GRB14: variants seen among roughly 807,000 people sequenced by gnomAD.
The protein encoded by GRB14 is growth factor receptor bound protein 14.
Under a neutral mutation model 69.1 loss-of-function variants are expected in GRB14, and 38 were observed. That is an observed-to-expected ratio of 0.55 (90% CI 0.42 to 0.72). GRB14 has a LOEUF of 0.72. GRB14 is among the 30% of genes least tolerant of loss of function. The pLI, the probability that GRB14 is intolerant of heterozygous loss-of-function variation, is 0.00. For synonymous variants in GRB14, 247 were observed against 241.3 expected (o/e 1.02, Z -0.22); for missense variants, 666 against 666.1 (o/e 1.00, Z 0.00).
chr2:164,612,141 A>C (rs935598761), intron 2 of GRB14, among the ~76,000 whole-genome samples: 1 of 152,212 alleles, frequency 6.6e-6, no homozygotes, highest in Non-Finnish European at 1.5e-5. Context: ...TTTCCACAGA[A>C]GCAATTTTAA....
At chr2:164,610,060 G>A (rs1437058104) in intron 2 of GRB14, among the ~76,000 whole-genome samples, 1 of 152,206 alleles carries the variant, frequency 6.6e-6, no homozygotes, top group Non-Finnish European at 1.5e-5. Flanking sequence ...AGCTTACTGG[G>A]AGCACAGGTG....
chr2:164,552,774 A>T (rs1688577662), intron 2 of GRB14, among the ~76,000 whole-genome samples: 1 of 152,134 alleles, frequency 6.6e-6, no homozygotes, highest in Non-Finnish European at 1.5e-5. Flanking sequence ...ACTGCTCTTA[A>T]GGATATATCT....
intron 2 of GRB14, among the ~76,000 whole-genome samples, chr2:164,572,272 C>G (rs985651724): frequency 6.6e-6 from 1 of 152,134 alleles, no homozygotes; most frequent in Non-Finnish European, 1.5e-5. Context: ...GGTTTCAAGT[C>G]CCCCTTTCAA....
At chr2:164,505,677 T>C (rs1480672100) in intron 8 of GRB14, among the ~76,000 whole-genome samples, 2 of 152,172 alleles carry the variant, frequency 1.3e-5, no homozygotes, top group Non-Finnish European at 2.9e-5. Context: ...TATATATGTG[T>C]ATGTGTAAAA....
At position 164,620,778 on chromosome 2, in the gene GRB14, T is replaced by A. The variant is rs544145207; in HGVS notation, c.191+341A>T. Among the ~76,000 whole-genome samples, 80 of 152,248 alleles carry A rather than the reference T, an allele frequency of 5.3e-4. 1 individual carries two copies. Among genetic ancestry groups the A allele is most frequent in the African/African-American group, 1.5e-3 (63 of 41,546 alleles). On this transcript the variant is annotated intron_variant, in intron 1 of 13. Transcript: ENST00000263915. ...GAATACATTTATGCTACGATTTTTT[T>A]AAAATATATAAAATAAAATAGAGTT...
intron 3 of GRB14, among the ~76,000 whole-genome samples, chr2:164,544,163 A>G (rs1688307866): frequency 6.6e-6 from 1 of 152,226 alleles, no homozygotes; most frequent in Admixed American, 6.5e-5. Flanking sequence ...CAGAAAATAC[A>G]GTAATAAAGA....
intron 3 of GRB14, among the ~76,000 whole-genome samples, chr2:164,529,196 A>G (rs192094492): frequency 2.0e-5 from 3 of 152,322 alleles, no homozygotes; most frequent in African/African-American, 7.2e-5. Context: ...TATACAAGGT[A>G]CCTAGAATAG....
intron 2 of GRB14, among the ~76,000 whole-genome samples, chr2:164,577,424 G>A (rs991921601): frequency 5.3e-5 from 8 of 152,174 alleles, no homozygotes; most frequent in Non-Finnish European, 8.8e-5. Context: ...CTGTTCTTGT[G>A]ATAGTGAGTT....
intron 5 of GRB14, among the ~76,000 whole-genome samples, chr2:164,523,815 T>G (rs1400709342): frequency 6.6e-6 from 1 of 152,114 alleles, no homozygotes; most frequent in Non-Finnish European, 1.5e-5. Flanking sequence ...TGATTTTTCT[T>G]GTTTTTATAA....
Position 164,616,425 on chromosome 2 carries a change from C to CAA in GRB14, c.324+3260_324+3261dup, listed in dbSNP as rs34263597. Among the ~76,000 whole-genome samples, 336 of 66,460 alleles carry CAA rather than the reference C, an allele frequency of 5.1e-3. 2 individuals carry two copies. The highest frequency in any genetic ancestry group is 7.9e-3 in the East Asian group (13 of 1,640). 43.6% of individuals were successfully genotyped at this position (66,460 alleles called of 152,430 possible). ...TGGGCGACAGAGCGAGACTCCGTCTCAAAAAAAAAAAAAAAAAAAAAAAAA... is the reference window on the plus strand; with the variant it reads ...TGGGCGACAGAGCGAGACTCCGTCTCAAAAAAAAAAAAAAAAAAAAAAAAAAA... On this transcript the variant is annotated intron_variant, in intron 2 of 13. Transcript: ENST00000263915.
At chr2:164,593,402 T>C (rs192851369) in intron 2 of GRB14, among the ~76,000 whole-genome samples, 28 of 152,288 alleles carry the variant, frequency 1.8e-4, no homozygotes, top group Non-Finnish European at 1.5e-5. Flanking sequence ...TGAGAATGAA[T>C]TGGAACTCTT....
At chr2:164,549,021 G>A (rs1363838689) in intron 2 of GRB14, among the ~76,000 whole-genome samples, 1 of 151,786 alleles carries the variant, frequency 6.6e-6, no homozygotes, top group Admixed American at 6.6e-5. Flanking sequence ...GGGATTACAG[G>A]CATGCGCCAC....
intron 3 of GRB14, among the ~76,000 whole-genome samples, chr2:164,533,648 A>T (rs1688008766): frequency 6.6e-6 from 1 of 152,244 alleles, no homozygotes; most frequent in Non-Finnish European, 1.5e-5. Flanking sequence ...TCAAAGTACA[A>T]ATCATTTGAA....
At chr2:164,562,451 T>C (rs190548606) in intron 2 of GRB14, among the ~76,000 whole-genome samples, 11 of 152,324 alleles carry the variant, frequency 7.2e-5, no homozygotes, top group Admixed American at 7.2e-4. Context: ...ATTTGAAAGA[T>C]ATATTGTCTT....
chr2:164,526,929 A>T (rs1309632138), intron 4 of GRB14, 85 bp downstream of exon 4: 1 of 936,456 alleles, frequency 1.1e-6, no homozygotes, highest in African/African-American at 1.7e-5. Flanking sequence ...ATAGGACTGT[A>T]TTTTATTTAC....
intron 2 of GRB14, among the ~76,000 whole-genome samples, chr2:164,549,506 A>T (rs1186698608): frequency 1.3e-5 from 2 of 152,194 alleles, no homozygotes; most frequent in Non-Finnish European, 2.9e-5. Context: ...ACTAAAGGTC[A>T]TTCAATAACT....
intron 2 of GRB14, among the ~76,000 whole-genome samples, chr2:164,577,240 T>C (rs896963348): frequency 1.3e-5 from 2 of 152,196 alleles, no homozygotes; most frequent in African/African-American, 4.8e-5. Flanking sequence ...TAAGAAAATG[T>C]ACAATTGTAG....
At chr2:164,526,425 A>C (rs1687775119) in intron 4 of GRB14, among the ~76,000 whole-genome samples, 1 of 152,066 alleles carries the variant, frequency 6.6e-6, no homozygotes, top group African/African-American at 2.4e-5. Context: ...CAATGAAAGT[A>C]GTATTTACTA....
intron 9 of GRB14, among the ~76,000 whole-genome samples, chr2:164,498,987 C>A (rs962302126): frequency 6.6e-6 from 1 of 152,098 alleles, no homozygotes; most frequent in Non-Finnish European, 1.5e-5. Context: ...GCTGTCACAC[C>A]TTAGTTTGCC....
Sources: gnomAD v4.1 joint callset for allele counts (sites outside exome capture counted in the v4.1 genomes callset) on GRCh38, gnomAD v4.1.1 for gene constraint, MANE v1.5 for transcripts, NCBI Gene and HGNC (gene_info 2026-07-23, HGNC 2026-07-21) for gene names.